The following EPHA7 variants were observed in gnomAD, a reference collection of about 807,000 sequenced individuals.
EPHA7 encodes the protein EPH receptor A7.
A neutral mutation model predicts 112.6 loss-of-function variants in EPHA7; 25 were observed. The observed-to-expected ratio is 0.22, with a 90% CI of 0.16 to 0.31. The LOEUF (loss-of-function observed/expected upper bound fraction) is 0.31. Among genes scored for constraint, EPHA7 ranks in the 10% least tolerant of loss-of-function variants. The pLI is 1.00. For synonymous variants in EPHA7, 437 were observed against 406.5 expected (o/e 1.07, Z -0.90); for missense variants, 962 against 1,212.6 (o/e 0.79, Z 3.07).
At chr6:93,382,719 G>A (rs187290130) in intron 3 of EPHA7, among the ~76,000 whole-genome samples, 9 of 151,944 alleles carry the variant, frequency 5.9e-5, no homozygotes, top group African/African-American at 2.2e-4. Flanking sequence ...GATCCTACTC[G>A]CTCCATGTGG....
chr6:93,304,365 C>T (rs776025349), intron 5 of EPHA7, among the ~76,000 whole-genome samples: 7 of 152,066 alleles, frequency 4.6e-5, no homozygotes, highest in East Asian at 2.0e-4. Flanking sequence ...GGTAAACTAA[C>T]GGAGTTGTGC....
At chr6:93,375,642 A>C (rs897330257) in intron 3 of EPHA7, among the ~76,000 whole-genome samples, 4 of 151,852 alleles carry the variant, frequency 2.6e-5, no homozygotes, top group Admixed American at 6.6e-5. Flanking sequence ...AAAAAAAAAA[A>C]ACAAACTCCT....
intron 5 of EPHA7, among the ~76,000 whole-genome samples, chr6:93,333,620 T>A (rs1300959573): frequency 2.0e-5 from 3 of 151,926 alleles, no homozygotes; most frequent in Admixed American, 6.6e-5. Context: ...ATTTCTTTAA[T>A]GATTAGTGAT....
Position 93,358,256 on chromosome 6 carries a change from T to C in EPHA7, c.988A>G (p.Arg330Gly). 2 of 1,606,784 alleles carry C rather than the reference T, an allele frequency of 1.2e-6. No individual in the cohort carries two copies. The highest frequency in any genetic ancestry group is 1.7e-6 in the Non-Finnish European group (2 of 1,176,064). Residue 330 changes from arginine (R) to glycine (G), a missense_variant and splice_region_variant, in exon 4 of 17, where the codon AGG becomes GGG. Arg to Gly is a moderately radical substitution (Grantham distance 125). Coordinates refer to ENST00000369303, the MANE Select transcript of EPHA7 (RefSeq NM_004440.4). Reference protein sequence around the residue: ...PSDPPYVACTRPPSAPQNLIF... With the variant: ...PSDPPYVACTGPPSAPQNLIF... ...CCTTTACTTTCATAATACAACTCAC[T>C]TGTGCACGCAACGTATGGTGGGTCA...
chr6:93,357,395 G>T (rs1776004542), intron 4 of EPHA7, among the ~76,000 whole-genome samples: 2 of 152,056 alleles, frequency 1.3e-5, no homozygotes, highest in African/African-American at 4.8e-5. Context: ...AAAAAAAACA[G>T]CTGTGCAGTA....
intron 5 of EPHA7, among the ~76,000 whole-genome samples, chr6:93,335,145 T>C (rs1774800903): frequency 6.6e-6 from 1 of 152,120 alleles, no homozygotes; most frequent in South Asian, 2.1e-4. Context: ...GTTTGATTCC[T>C]AGAGGGTCAA....
rs543242346 is a variant in EPHA7, at chr6:93,326,311, AC to A, written c.1324+30405del. Among the ~76,000 whole-genome samples, 78 of 151,462 alleles carry A rather than the reference AC, an allele frequency of 5.1e-4. No individual in the cohort carries two copies. The East Asian group carries it at 5.6e-3, about 11-fold the overall frequency. ...TATTCAACAAACAAGTAAAATCACA[AC>A]CCTAATTTCAATAAAACACTGCACA... is the stretch of plus-strand genomic sequence containing the variant. On this transcript the variant is annotated intron_variant, in intron 5 of 16. Transcript: ENST00000369303.
intron 5 of EPHA7, among the ~76,000 whole-genome samples, chr6:93,348,406 T>C (rs917641665): frequency 2.6e-5 from 4 of 151,834 alleles, no homozygotes; most frequent in Admixed American, 6.6e-5. Flanking sequence ...AAAGAAAGCA[T>C]CTCCAATCCT....
At chr6:93,281,681 CTTT>C (rs1012257106) in intron 5 of EPHA7, among the ~76,000 whole-genome samples, 1 of 151,812 alleles carries the variant, frequency 6.6e-6, no homozygotes, top group Non-Finnish European at 1.5e-5. Context: ...GACCTCAGAA[CTTT>C]TTTTTAAATA....
chr6:93,267,537 A>G (rs1488409735), intron 7 of EPHA7, among the ~76,000 whole-genome samples: 2 of 151,774 alleles, frequency 1.3e-5, no homozygotes, highest in Admixed American at 1.3e-4. Flanking sequence ...GCCTGAAACC[A>G]TAGTAGGCAC....
chr6:93,359,510 A>C (rs1776134320), intron 3 of EPHA7, among the ~76,000 whole-genome samples: 1 of 152,084 alleles, frequency 6.6e-6, no homozygotes, highest in Admixed American at 6.6e-5. Context: ...AACATAAATA[A>C]AAATTTAGCA....
In EPHA7 at chr6:93,264,590, C is replaced by A; in HGVS notation, c.1742+4G>T. 6.3e-7 allele frequency: 1 copy of A among 1,581,726 alleles called. No homozygotes were observed. Among genetic ancestry groups the A allele is most frequent in the Non-Finnish European group, 8.7e-7 (1 of 1,155,174 alleles). On this transcript the variant is annotated splice_donor_region_variant and intron_variant, in intron 8 of 16. Transcript: ENST00000369303. Reference sequence around the variant, plus strand: ...TTAGAGATTAGAACAACTTTGTGTTCTACCTTCTCCCAATGATGAAGCCAA... The same window carrying A: ...TTAGAGATTAGAACAACTTTGTGTTATACCTTCTCCCAATGATGAAGCCAA...
intron 5 of EPHA7, among the ~76,000 whole-genome samples, chr6:93,347,141 T>C (rs1162425103): frequency 1.3e-5 from 2 of 151,856 alleles, no homozygotes; most frequent in Non-Finnish European, 2.9e-5. Context: ...CACTTTTTCC[T>C]AAGAAAATCC....
At chr6:93,418,951 C>T (rs1009859937) in intron 1 of EPHA7, among the ~76,000 whole-genome samples, 1 of 152,206 alleles carries the variant, frequency 6.6e-6, no homozygotes, top group Non-Finnish European at 1.5e-5. Flanking sequence ...GGCAGTTCCT[C>T]CAACCCCACC....
At chr6:93,400,086 G>A (rs1389642032) in intron 3 of EPHA7, among the ~76,000 whole-genome samples, 1 of 151,690 alleles carries the variant, frequency 6.6e-6, no homozygotes, top group Non-Finnish European at 1.5e-5. Flanking sequence ...CTCTCTTCGA[G>A]GATAAAAGTA....
intron 3 of EPHA7, among the ~76,000 whole-genome samples, chr6:93,397,169 C>A (rs1434861823): frequency 2.0e-5 from 3 of 151,526 alleles, no homozygotes; most frequent in African/African-American, 7.3e-5. Flanking sequence ...AAATACAATA[C>A]CAACACTTGT....
At chr6:93,359,528 T>A (rs2127948318) in intron 3 of EPHA7, among the ~76,000 whole-genome samples, 1 of 152,008 alleles carries the variant, frequency 6.6e-6, no homozygotes, top group South Asian at 2.1e-4. Context: ...GCATTTAATT[T>A]ATTGGCTGAA....
At chr6:93,322,619 C>T (rs1241097388) in intron 5 of EPHA7, among the ~76,000 whole-genome samples, 3 of 151,554 alleles carry the variant, frequency 2.0e-5, no homozygotes, top group Non-Finnish European at 4.4e-5. Flanking sequence ...AAGCAGTGCA[C>T]GTAGCTCAGG....
At chr6:93,362,505 A>G (rs1776309998) in intron 3 of EPHA7, among the ~76,000 whole-genome samples, 1 of 152,166 alleles carries the variant, frequency 6.6e-6, no homozygotes, top group Non-Finnish European at 1.5e-5. Flanking sequence ...AAAAAGCACC[A>G]AAATTCTGAA....
Sources: gnomAD v4.1 joint callset for allele counts (sites outside exome capture counted in the v4.1 genomes callset) on GRCh38, gnomAD v4.1.1 for gene constraint, MANE v1.5 for transcripts, NCBI Gene and HGNC (gene_info 2026-07-23, HGNC 2026-07-21) for gene names.